FGGY: variants seen among roughly 807,000 people sequenced by gnomAD.
FGGY encodes the protein FGGY carbohydrate kinase domain-containing protein.
In FGGY, 72 loss-of-function variants were observed where a neutral mutation model predicts 71.3. That is an observed-to-expected ratio of 1.01 (90% confidence interval 0.84 to 1.23). The LOEUF (loss-of-function observed/expected upper bound fraction) is 1.23. Among genes scored for constraint, FGGY ranks in the 50% most tolerant of loss-of-function variants. The probability of loss-of-function intolerance (pLI) is 0.00; values close to 1 mark genes in which losing one functional copy is unlikely to be tolerated. For missense variants in FGGY, 668 were observed against 682.3 expected, an observed-to-expected ratio of 0.98 and a Z score of 0.23; for synonymous variants, 251 against 250.3, an observed-to-expected ratio of 1.00 and a Z score of -0.02.
intron 7 of FGGY, among the ~76,000 whole-genome samples, chr1:59,520,506 A>G (rs974575858): frequency 6.6e-6 from 1 of 152,130 alleles, no homozygotes; most frequent in Non-Finnish European, 1.5e-5. Context: ...GAAAAGCACC[A>G]ATCACTCTCT....
At chr1:59,393,492 G>A (rs2060947020) in intron 5 of FGGY, among the ~76,000 whole-genome samples, 1 of 152,160 alleles carries the variant, frequency 6.6e-6, no homozygotes, top group East Asian at 1.9e-4. Context: ...TGAAACAGGG[G>A]GTGTTTGTAA....
chr1:59,410,756 C>A (rs144135119), intron 5 of FGGY, among the ~76,000 whole-genome samples: 1 of 152,010 alleles, frequency 6.6e-6, no homozygotes, highest in Non-Finnish European at 1.5e-5. Context: ...ACCATGGTGA[C>A]GTTCTTTTTG....
At chr1:59,582,312 G>C (rs149598659) in intron 8 of FGGY, among the ~76,000 whole-genome samples, 1 of 150,018 alleles carries the variant, frequency 6.7e-6, no homozygotes, top group Non-Finnish European at 1.5e-5. Flanking sequence ...TTGAGTCCCA[G>C]AAGGGAAAAG....
intron 5 of FGGY, among the ~76,000 whole-genome samples, chr1:59,397,154 C>T (rs766343997): frequency 2.6e-5 from 4 of 151,844 alleles, no homozygotes; most frequent in Non-Finnish European, 5.9e-5. Flanking sequence ...AAGGACTGTA[C>T]AAATATTGAT....
At chr1:59,611,438 C>T (rs1211726657) in intron 9 of FGGY, among the ~76,000 whole-genome samples, 1 of 152,164 alleles carries the variant, frequency 6.6e-6, no homozygotes, top group Non-Finnish European at 1.5e-5. Flanking sequence ...AGCTGAGGGT[C>T]CTGACTGTTA....
At chr1:59,451,366 T>G (rs2153500370) in intron 5 of FGGY, among the ~76,000 whole-genome samples, 1 of 130,842 alleles carries the variant, frequency 7.6e-6, no homozygotes, top group South Asian at 2.4e-4. Context: ...ACTAAGTTTT[T>G]TTTGTTGTTG....
chr1:59,351,587 T>C (rs1032591594), intron 4 of FGGY, among the ~76,000 whole-genome samples: 11 of 152,234 alleles, frequency 7.2e-5, no homozygotes, highest in Admixed American at 6.5e-4. Flanking sequence ...CTTAACCAAA[T>C]GGCTGGTGCA....
intron 2 of FGGY, among the ~76,000 whole-genome samples, chr1:59,325,588 C>T (rs2047287657): frequency 6.6e-6 from 1 of 152,218 alleles, no homozygotes; most frequent in Non-Finnish European, 1.5e-5. Context: ...CCCTTTTAAA[C>T]TATGAGCTGA....
At chr1:59,452,472 A>G (rs915388566) in intron 5 of FGGY, among the ~76,000 whole-genome samples, 1 of 152,114 alleles carries the variant, frequency 6.6e-6, no homozygotes, top group Admixed American at 6.5e-5. Context: ...CTGATTTCTC[A>G]TTGTTTTCAT....
intron 6 of FGGY, among the ~76,000 whole-genome samples, chr1:59,458,066 C>T (rs139561072): frequency 1.3e-5 from 2 of 152,162 alleles, no homozygotes; most frequent in African/African-American, 2.4e-5. Context: ...AAGTCAGGAT[C>T]GAAATTCTCC....
At chr1:59,710,821 G>A (rs2097788632) in intron 14 of FGGY, among the ~76,000 whole-genome samples, 1 of 152,112 alleles carries the variant, frequency 6.6e-6, no homozygotes, top group Admixed American at 6.5e-5. Context: ...GGAGAAATAG[G>A]AACACTTTTA....
chr1:59,427,950 A>G (rs1413780078), intron 5 of FGGY, among the ~76,000 whole-genome samples: 2 of 152,214 alleles, frequency 1.3e-5, no homozygotes, highest in Non-Finnish European at 2.9e-5. Context: ...TAAGGACAGC[A>G]GATAGATTAG....
At chr1:59,329,135 A>C (rs2047975787) in intron 2 of FGGY, among the ~76,000 whole-genome samples, 1 of 152,228 alleles carries the variant, frequency 6.6e-6, no homozygotes, top group South Asian at 2.1e-4. Context: ...AAAGCAAAGC[A>C]CAATGATACC....
At chr1:59,536,524 C>T (rs915938844) in intron 7 of FGGY, among the ~76,000 whole-genome samples, 2 of 151,962 alleles carry the variant, frequency 1.3e-5, no homozygotes, top group Admixed American at 6.6e-5. Flanking sequence ...GAGACACAAC[C>T]AAAAAAGAGA....
intron 6 of FGGY, among the ~76,000 whole-genome samples, chr1:59,473,065 G>C (rs1163314433): frequency 1.3e-5 from 2 of 152,146 alleles, no homozygotes; most frequent in South Asian, 2.1e-4. Context: ...TAGGCTGCCC[G>C]AGCCAGCAGT....
At chr1:59,448,087 T>C (rs1411410065) in intron 5 of FGGY, among the ~76,000 whole-genome samples, 1 of 152,176 alleles carries the variant, frequency 6.6e-6, no homozygotes, top group African/African-American at 2.4e-5. Context: ...TCTGGGTTTT[T>C]CCTGCTGCTA....
chr1:59,380,530 AT>A (rs1186005549), intron 5 of FGGY, among the ~76,000 whole-genome samples: 6 of 151,454 alleles, frequency 4.0e-5, no homozygotes, highest in African/African-American at 1.5e-4. Context: ...TTTGATTTGC[AT>A]TTCTCTGATG....
At chr1:59,347,962 T>C (rs1386168985) in intron 4 of FGGY, among the ~76,000 whole-genome samples, 3 of 152,122 alleles carry the variant, frequency 2.0e-5, no homozygotes, top group Non-Finnish European at 4.4e-5. Flanking sequence ...AAATGGGATC[T>C]CATTAAACTA....
chr1:59,591,812 G>A (rs140193829), intron 8 of FGGY, among the ~76,000 whole-genome samples: 2,373 of 152,190 alleles, frequency 0.016, 63 homozygotes, highest in African/African-American at 0.054. Context: ...AGACTTAAAC[G>A]TTCGACCTAA....
Sources: allele counts gnomAD v4.1 joint callset (sites outside exome capture counted in the v4.1 genomes callset), GRCh38; gene constraint gnomAD v4.1.1; transcripts MANE v1.5; gene names NCBI Gene and HGNC (gene_info 2026-07-23, HGNC 2026-07-21).